The following PDE3A variants were observed in gnomAD, a reference collection of about 807,000 sequenced individuals.
PDE3A encodes phosphodiesterase 3A, also known as cGMP-inhibited 3',5'-cyclic phosphodiesterase 3A.
PDE3A carries 43 observed loss-of-function variants against 98.3 expected under a neutral mutation model. The observed-to-expected ratio is 0.44, with a 90% CI of 0.34 to 0.56. The LOEUF (loss-of-function observed/expected upper bound fraction) is 0.56, where lower values mean the gene tolerates loss of function less well. PDE3A is among the 20% of genes least tolerant of loss of function. The pLI is 0.01. For missense variants in PDE3A, 1,427 were observed against 1,440.7 expected (o/e 0.99, Z 0.15); for synonymous variants, 663 against 567.9 (o/e 1.17, Z -2.38).
chr12:20,479,471 A>G (rs987147383), intron 1 of PDE3A, among the ~76,000 whole-genome samples: 2 of 152,152 alleles, frequency 1.3e-5, no homozygotes, highest in Non-Finnish European at 2.9e-5. Flanking sequence ...TCCCTTGAGT[A>G]TATCTCTTGA....
intron 1 of PDE3A, among the ~76,000 whole-genome samples, chr12:20,532,752 G>C (rs1182679047): frequency 1.6e-3 from 228 of 145,528 alleles, no homozygotes; most frequent in African/African-American, 5.6e-3. Context: ...GCAGTGGCGC[G>C]ATCTCGGCTC....
intron 4 of PDE3A, among the ~76,000 whole-genome samples, chr12:20,617,557 T>C (rs559610620): frequency 1.3e-5 from 2 of 152,280 alleles, no homozygotes; most frequent in African/African-American, 4.8e-5. Flanking sequence ...ATATTGATCA[T>C]TGACAATTGC....
intron 15 of PDE3A, among the ~76,000 whole-genome samples, chr12:20,674,122 C>T (rs1244469742): frequency 6.6e-6 from 1 of 152,070 alleles, no homozygotes; most frequent in Admixed American, 6.6e-5. Context: ...GCTAGTTCAT[C>T]ATTGGTATAT....
chr12:20,532,711 C>A (rs1291612091), intron 1 of PDE3A, among the ~76,000 whole-genome samples: 1 of 125,664 alleles, frequency 8.0e-6, no homozygotes, highest in Admixed American at 9.3e-5. Context: ...TTTTTTGAGA[C>A]GGAGTCTCGC....
intron 1 of PDE3A, among the ~76,000 whole-genome samples, chr12:20,504,726 C>T (rs1420963570): frequency 6.6e-6 from 1 of 152,032 alleles, no homozygotes; most frequent in African/African-American, 2.4e-5. Context: ...TTGATTCCTT[C>T]TCACATCACA....
intron 15 of PDE3A, among the ~76,000 whole-genome samples, chr12:20,677,685 T>G (rs1945676200): frequency 6.6e-6 from 1 of 152,158 alleles, no homozygotes; most frequent in Admixed American, 6.5e-5. Flanking sequence ...GGTCTCAATC[T>G]CCAGACCTCG....
intron 13 of PDE3A, among the ~76,000 whole-genome samples, chr12:20,649,967 T>TA (rs989762196): frequency 7.6e-6 from 1 of 132,344 alleles, no homozygotes; most frequent in African/African-American, 2.6e-5. Context: ...TATGCCAATT[T>TA]AAAAAAGCAT....
Position 20,465,493 on chromosome 12 carries a change from C to A in PDE3A, c.961-91167C>A, listed in dbSNP as rs559501589. Among the ~76,000 whole-genome samples the A allele has an allele frequency of 2.0e-5, 3 of 152,170 alleles. No homozygotes were observed. In the South Asian group the frequency reaches 6.2e-4, roughly 31 times the overall value. On this transcript the variant is annotated intron_variant, in intron 1 of 15. Coordinates refer to ENST00000359062, the MANE Select transcript of PDE3A (RefSeq NM_000921.5). ...TGGCACGATCTTGGCTCACTGCAAC[C>A]TTTGCCTGCCAGGTTCAAGCAATTC... is the stretch of plus-strand genomic sequence containing the variant.
At chr12:20,567,585 G>A (rs1592064415) in intron 2 of PDE3A, among the ~76,000 whole-genome samples, 1 of 152,016 alleles carries the variant, frequency 6.6e-6, no homozygotes, top group East Asian at 1.9e-4. Flanking sequence ...AGGAACATGT[G>A]TTCTCATTCT....
rs117268935 is a variant in PDE3A, at chr12:20,582,793, C to T, written c.1011+26083C>T. Among the ~76,000 whole-genome samples the T allele has an allele frequency of 9.9e-4, 151 of 152,098 alleles. 3 individuals are homozygous for T. The East Asian group carries it at 0.016, about 16-fold the overall frequency. On this transcript the variant is annotated intron_variant, in intron 2 of 15. Coordinates refer to ENST00000359062, the MANE Select transcript of PDE3A (RefSeq NM_000921.5). ...TCTTGATTGCACTCAAAAACAAGTGCACTGGTGGAGTCAATTTATGATGGA... is the reference window on the plus strand; with the variant it reads ...TCTTGATTGCACTCAAAAACAAGTGTACTGGTGGAGTCAATTTATGATGGA...
intron 15 of PDE3A, among the ~76,000 whole-genome samples, chr12:20,659,978 T>C (rs1945126280): frequency 6.6e-6 from 1 of 152,188 alleles, no homozygotes; most frequent in African/African-American, 2.4e-5. Flanking sequence ...ATATACCAGG[T>C]GATATGGTTT....
At chr12:20,598,569 C>T (rs1275071122) in intron 2 of PDE3A, among the ~76,000 whole-genome samples, 1 of 152,114 alleles carries the variant, frequency 6.6e-6, no homozygotes, top group Non-Finnish European at 1.5e-5. Context: ...CAAATGTTTA[C>T]ACTGTGGAAG....
At chr12:20,481,567 G>T (rs1273382092) in intron 1 of PDE3A, among the ~76,000 whole-genome samples, 1 of 151,878 alleles carries the variant, frequency 6.6e-6, no homozygotes, top group Non-Finnish European at 1.5e-5. Flanking sequence ...CTCTTTGTTA[G>T]CTACATATAG....
intron 4 of PDE3A, among the ~76,000 whole-genome samples, chr12:20,616,661 A>C (rs1423466708): frequency 6.6e-6 from 1 of 152,148 alleles, no homozygotes; most frequent in Non-Finnish European, 1.5e-5. Flanking sequence ...TAAGCCCAGG[A>C]TAAAGGTAGG....
intron 5 of PDE3A, among the ~76,000 whole-genome samples, chr12:20,623,735 TA>T: frequency 2.1e-5 from 3 of 145,730 alleles, no homozygotes; most frequent in Non-Finnish European, 3.0e-5. Flanking sequence ...CTAGAAAGAA[TA>T]TATGATGGAT....
At chr12:20,585,203 A>C (rs4576873) in intron 2 of PDE3A, among the ~76,000 whole-genome samples, 150,246 of 152,288 alleles carry the variant, frequency 0.99, 74,141 homozygotes, top group East Asian at 1. Context: ...TTAGTTTATA[A>C]GTTCAGAGAA....
Position 20,687,837 on chromosome 12 carries a change from G to A in PDE3A, c.*7566G>A, listed in dbSNP as rs762057667. Among the ~76,000 whole-genome samples the A allele has an allele frequency of 7.5e-6, 1 of 133,476 alleles. No homozygotes were observed. The highest frequency in any genetic ancestry group is 1.6e-5 in the Non-Finnish European group (1 of 64,358). 87.6% of individuals were successfully genotyped at this position (133,476 alleles called of 152,430 possible). A position where few individuals can be genotyped will look rare whatever the true frequency, so the allele number is the denominator to read the frequency against. ...AGGTTTTGGTTGGTTTGAATAATTT[G>A]ATTTGCATTTTGGTATTAAAATGTG... On this transcript the variant is annotated 3_prime_UTR_variant, in exon 16 of 16. Transcript: ENST00000359062.
chr12:20,411,147 T>G (rs765390771), intron 1 of PDE3A, among the ~76,000 whole-genome samples: 3 of 152,226 alleles, frequency 2.0e-5, no homozygotes, highest in Non-Finnish European at 4.4e-5. Context: ...ATAATACACA[T>G]AACAAAGTTT....
At chr12:20,449,404 C>T (rs745316775) in intron 1 of PDE3A, among the ~76,000 whole-genome samples, 2 of 152,178 alleles carry the variant, frequency 1.3e-5, no homozygotes, top group Admixed American at 6.6e-5. Flanking sequence ...CATTTACAGA[C>T]ATTGTCATTT....
Sources: allele counts gnomAD v4.1 joint callset (sites outside exome capture counted in the v4.1 genomes callset), GRCh38; gene constraint gnomAD v4.1.1; transcripts MANE v1.5; gene names NCBI Gene and HGNC (gene_info 2026-07-23, HGNC 2026-07-21).